The following COL8A1 variants were observed in gnomAD, a reference collection of about 807,000 sequenced individuals.
COL8A1 encodes the protein collagen type VIII alpha 1 chain.
In COL8A1, 21 loss-of-function variants were observed where a neutral mutation model predicts 42.7. The ratio of observed to expected loss-of-function variants is 0.49; its 90% CI spans 0.35 to 0.71. The LOEUF is 0.71. Among genes scored for constraint, COL8A1 ranks in the 30% least tolerant of loss-of-function variants. The probability of loss-of-function intolerance (pLI) is 0.01; values close to 1 mark genes in which losing one functional copy is unlikely to be tolerated. For missense variants in COL8A1, 788 were observed against 962.4 expected (o/e 0.82, Z 2.40); for synonymous variants, 367 against 369.1 (o/e 0.99, Z 0.06).
rs1942108923 is a variant in COL8A1 at position 99,796,360 on chromosome 3, C to G, written c.*224C>G. The G allele has an allele frequency of 4.9e-6, 2 of 408,970 alleles. No homozygotes were observed. The highest frequency in any genetic ancestry group is 8.7e-6 in the Non-Finnish European group (2 of 229,354). The allele number at this position is 408,970 out of a possible 1,614,324, so 25.3% of individuals were successfully genotyped here. ...CGAATGATGGGATAGAGTTATGTAT[C>G]AAGTACTGACACTTGGTTGTACCCA... On this transcript the variant is annotated 3_prime_UTR_variant, in exon 4 of 4. Transcript: ENST00000652472.
At chr3:99,771,579 T>A (rs977440412) in intron 2 of COL8A1, among the ~76,000 whole-genome samples, 1 of 152,204 alleles carries the variant, frequency 6.6e-6, no homozygotes, top group Admixed American at 6.5e-5. Context: ...TCAAGCCTAA[T>A]GTGCTTTCTG....
intron 2 of COL8A1, among the ~76,000 whole-genome samples, chr3:99,784,159 A>C (rs1337814709): frequency 6.6e-6 from 1 of 152,248 alleles, no homozygotes; most frequent in Non-Finnish European, 1.5e-5. Flanking sequence ...TGTAAAACAA[A>C]GCTGGAACTT....
intron 1 of COL8A1, among the ~76,000 whole-genome samples, chr3:99,692,380 T>C (rs575731958): frequency 7.0e-4 from 107 of 152,400 alleles, no homozygotes; most frequent in African/African-American, 2.5e-3. Context: ...TGGCCATATC[T>C]AAACTAATAT....
chr3:99,693,657 T>C (rs1939286182), intron 1 of COL8A1, among the ~76,000 whole-genome samples: 1 of 152,266 alleles, frequency 6.6e-6, no homozygotes, highest in Non-Finnish European at 1.5e-5. Context: ...AAGCTGTTAT[T>C]TTAAAAGACT....
intron 1 of COL8A1, among the ~76,000 whole-genome samples, chr3:99,677,083 AGG>A (rs71130092): frequency 6.6e-6 from 1 of 150,858 alleles, no homozygotes; most frequent in African/African-American, 2.4e-5. Context: ...AGAGAGAGAG[AGG>A]GAGAAAGAAA....
chr3:99,743,331 A>G (rs1940944736), intron 1 of COL8A1, among the ~76,000 whole-genome samples: 1 of 152,234 alleles, frequency 6.6e-6, no homozygotes, highest in Non-Finnish European at 1.5e-5. Flanking sequence ...CCTATGGCTA[A>G]ACCAAAGTTT....
intron 1 of COL8A1, chr3:99,706,935 A>G (rs1278657727): frequency 6.6e-6 from 1 of 152,174 alleles, no homozygotes. Flanking sequence ...AGTGCCTTGG[A>G]TTGTTTTATA....
chr3:99,661,053 T>G (rs1281628743), intron 1 of COL8A1, among the ~76,000 whole-genome samples: 2 of 152,206 alleles, frequency 1.3e-5, no homozygotes, highest in Non-Finnish European at 2.9e-5. Flanking sequence ...AATTCCACCC[T>G]AAGAAGCTAT....
chr3:99,747,212 G>A (rs1055043257), intron 2 of COL8A1, among the ~76,000 whole-genome samples: 3 of 152,084 alleles, frequency 2.0e-5, no homozygotes, highest in African/African-American at 7.2e-5. Flanking sequence ...CTGAATGATA[G>A]AACATAGACA....
At chr3:99,725,877 G>A (rs1358062428) in intron 1 of COL8A1, among the ~76,000 whole-genome samples, 3 of 152,038 alleles carry the variant, frequency 2.0e-5, no homozygotes, top group South Asian at 2.1e-4. Context: ...ATAAACATAC[G>A]TGTGCATATG....
At position 99,798,188 on chromosome 3, in the gene COL8A1, C is replaced by G. The variant is rs983595017; in HGVS notation, c.*2052C>G. The stretch of plus-strand genomic sequence containing the variant: ...CTCATTTCCCTATATAGTATACAAG[C>G]ACCATTTCTTCTCAATTTTTAAGAA... On this transcript the variant is annotated 3_prime_UTR_variant, in exon 4 of 4. Coordinates refer to ENST00000652472, the MANE Select transcript of COL8A1 (RefSeq NM_020351.4). 2.6e-5 allele frequency: 4 copies of G among 152,176 alleles called. No homozygotes were observed. The highest frequency in any genetic ancestry group is 1.9e-4 in the East Asian group (1 of 5,188). The allele number at this position is 152,176 out of a possible 1,614,324, so 9.4% of individuals were successfully genotyped here. A position where few individuals can be genotyped will look rare whatever the true frequency, so the allele number is the denominator to read the frequency against.
chr3:99,785,468 T>C (rs1190254196), intron 2 of COL8A1, among the ~76,000 whole-genome samples: 1 of 152,126 alleles, frequency 6.6e-6, no homozygotes, highest in East Asian at 1.9e-4. Context: ...TATTAAACTT[T>C]AGGAGAATAA....
intron 2 of COL8A1, among the ~76,000 whole-genome samples, chr3:99,783,279 G>A (rs967183844): frequency 1.3e-5 from 2 of 152,166 alleles, no homozygotes; most frequent in Admixed American, 6.5e-5. Flanking sequence ...CTAGCGCTGG[G>A]GGCACAACCT....
chr3:99,654,515 C>T (rs1937950593), intron 1 of COL8A1, among the ~76,000 whole-genome samples: 1 of 152,248 alleles, frequency 6.6e-6, no homozygotes, highest in Admixed American at 6.5e-5. Flanking sequence ...TGTCTGGGAA[C>T]ATTGGCTCAC....
intron 1 of COL8A1, among the ~76,000 whole-genome samples, chr3:99,663,593 T>C (rs1048305201): frequency 9.2e-5 from 14 of 152,316 alleles, no homozygotes; most frequent in African/African-American, 2.6e-4. Flanking sequence ...GTCTAACTCT[T>C]TGACCTTTAA....
intron 1 of COL8A1, among the ~76,000 whole-genome samples, chr3:99,643,522 A>G (rs1245612371): frequency 6.6e-6 from 1 of 152,372 alleles, no homozygotes; most frequent in East Asian, 1.9e-4. Flanking sequence ...AATATAGTCT[A>G]TAAAACTACT....
intron 1 of COL8A1, among the ~76,000 whole-genome samples, chr3:99,717,202 CAT>C (rs1472787408): frequency 5.9e-5 from 9 of 151,948 alleles, no homozygotes; most frequent in South Asian, 2.1e-4. Context: ...TATTATATGA[CAT>C]ATATTTTATG....
rs905714508 is a variant in COL8A1, at chr3:99,791,152, C to T, written c.328+142C>T. On this transcript the variant is annotated intron_variant, in intron 3 of 3. Transcript: ENST00000652472. ...TTTTAAAATGCCTACTGTGTTCTAA[C>T]CATATTCTTGAAAACTTCAAGCCTT... 1.1e-5 allele frequency: 8 copies of T among 746,532 alleles called. No individual in the cohort carries two copies. The African/African-American group carries it at 1.2e-4, about 12-fold the overall frequency. 46.2% of individuals were successfully genotyped at this position (746,532 alleles called of 1,614,324 possible). A position where few individuals can be genotyped will look rare whatever the true frequency, so the allele number is the denominator to read the frequency against.
At chr3:99,672,944 C>T (rs1938589684) in intron 1 of COL8A1, among the ~76,000 whole-genome samples, 1 of 151,958 alleles carries the variant, frequency 6.6e-6, no homozygotes, top group Admixed American at 6.6e-5. Flanking sequence ...ATTAAGATCC[C>T]ATGAGTAGCT....
Sources: gnomAD v4.1 joint callset for allele counts (sites outside exome capture counted in the v4.1 genomes callset) on GRCh38, gnomAD v4.1.1 for gene constraint, MANE v1.5 for transcripts, NCBI Gene and HGNC (gene_info 2026-07-23, HGNC 2026-07-21) for gene names.